The following MBOAT1 variants were observed in gnomAD, a reference collection of about 807,000 sequenced individuals.
MBOAT1 encodes membrane bound glycerophospholipid O-acyltransferase 1.
MBOAT1 carries 67 observed loss-of-function variants against 64.4 expected under a neutral mutation model. The ratio of observed to expected loss-of-function variants is 1.04; its 90% CI spans 0.85 to 1.27. MBOAT1 has a LOEUF of 1.27. Among genes scored for constraint, MBOAT1 ranks in the 50% most tolerant of loss-of-function variants. MBOAT1 has a pLI of 0.00. For missense variants in MBOAT1, 563 were observed against 604.6 expected (o/e 0.93, Z 0.72); for synonymous variants, 229 against 218.9 (o/e 1.05, Z -0.41).
intron 9 of MBOAT1, among the ~76,000 whole-genome samples, chr6:20,115,959 A>G (rs1760305926): frequency 6.6e-6 from 1 of 151,572 alleles, no homozygotes; most frequent in Non-Finnish European, 1.5e-5. Flanking sequence ...AGGAAGAGAC[A>G]TCCCACAATA....
chr6:20,207,244 C>T (rs1282125161), intron 1 of MBOAT1, among the ~76,000 whole-genome samples: 1 of 152,222 alleles, frequency 6.6e-6, no homozygotes, highest in East Asian at 1.9e-4. Context: ...GCTTCCTCCT[C>T]CATCCCTACT....
intron 12 of MBOAT1, among the ~76,000 whole-genome samples, chr6:20,107,317 A>G (rs985435606): frequency 2.6e-5 from 4 of 152,126 alleles, no homozygotes; most frequent in African/African-American, 9.7e-5. Context: ...TTCGTGCTAC[A>G]CTATGGGGGG....
At chr6:20,144,068 C>T in intron 4 of MBOAT1, 152 bp downstream of exon 4, 1 of 595,362 alleles carries the variant, frequency 1.7e-6, no homozygotes, top group Non-Finnish European at 3.0e-6. Context: ...ACCAATCAAT[C>T]AAGTCTCCAG....
intron 10 of MBOAT1, among the ~76,000 whole-genome samples, chr6:20,113,973 A>C: frequency 6.6e-6 from 1 of 152,172 alleles, no homozygotes. Context: ...AAAAGAATGC[A>C]GTTGGAGAGA....
At chr6:20,205,761 C>G (rs148698788) in intron 1 of MBOAT1, among the ~76,000 whole-genome samples, 1 of 152,098 alleles carries the variant, frequency 6.6e-6, no homozygotes, top group Non-Finnish European at 1.5e-5. Context: ...CCAAAAGGCC[C>G]CCCCACCCAC....
chr6:20,106,871 A>G (rs1235557790), intron 12 of MBOAT1, among the ~76,000 whole-genome samples: 1 of 152,196 alleles, frequency 6.6e-6, no homozygotes, highest in Non-Finnish European at 1.5e-5. Flanking sequence ...TCCTAAACAA[A>G]GGTGTTTTTA....
At chr6:20,111,144 G>A (rs911970438) in intron 11 of MBOAT1, among the ~76,000 whole-genome samples, 1 of 152,186 alleles carries the variant, frequency 6.6e-6, no homozygotes, top group African/African-American at 2.4e-5. Flanking sequence ...CTAGGTCGAA[G>A]GATATACTCC....
chr6:20,180,031 A>T (rs1411323017), intron 1 of MBOAT1, among the ~76,000 whole-genome samples: 1 of 152,148 alleles, frequency 6.6e-6, no homozygotes. Flanking sequence ...GGTGTCTAGT[A>T]GGTACTGGGG....
intron 11 of MBOAT1, among the ~76,000 whole-genome samples, chr6:20,111,859 C>CATATATATACGT (rs1760170262): frequency 5.5e-5 from 6 of 108,618 alleles, no homozygotes; most frequent in African/African-American, 2.1e-4. Context: ...TATATATATA[C>CATATATATACGT]ATATATATAC....
intron 1 of MBOAT1, among the ~76,000 whole-genome samples, chr6:20,184,422 G>A (rs187556948): frequency 6.6e-6 from 1 of 152,282 alleles, no homozygotes; most frequent in East Asian, 1.9e-4. Context: ...TGATTATCTA[G>A]TGTAGCCCAC....
Position 20,152,636 on chromosome 6 carries a change from A to G in MBOAT1, c.233T>C (p.Phe78Ser). ...ATIFGIYFVIFCFGWYSVHLF... is the reference protein window; with the variant it reads ...ATIFGIYFVISCFGWYSVHLF... ...GGCTCATACTCACCAGCCGAAACAA[A>G]AGATGACAAAATAGATGCCAAAAAT... The change falls in exon 2 of 13, where the codon TTT becomes TCT. Residue 78 changes from phenylalanine to serine, a missense_variant. Physicochemically the swap from Phe to Ser is radical, Grantham distance 155. Transcript: ENST00000324607. The G allele has an allele frequency of 6.2e-7, 1 of 1,610,054 alleles. No homozygotes were observed. The highest frequency in any genetic ancestry group is 2.2e-5 in the East Asian group (1 of 44,586).
intron 2 of MBOAT1, among the ~76,000 whole-genome samples, chr6:20,151,908 G>A (rs1417836820): frequency 6.6e-6 from 1 of 152,188 alleles, no homozygotes; most frequent in African/African-American, 2.4e-5. Context: ...CACGTCTCTA[G>A]CAGTAATACA....
At chr6:20,112,729 G>A in intron 11 of MBOAT1, 147 bp downstream of exon 11, 1 of 812,068 alleles carries the variant, frequency 1.2e-6, no homozygotes, top group Non-Finnish European at 1.9e-6. Flanking sequence ...TTCTCTAATG[G>A]GAAGACTCTT....
intron 1 of MBOAT1, among the ~76,000 whole-genome samples, chr6:20,192,121 T>A (rs1358815636): frequency 6.6e-6 from 1 of 152,166 alleles, no homozygotes; most frequent in African/African-American, 2.4e-5. Flanking sequence ...ATTCCACTGA[T>A]AAGAACTAAC....
chr6:20,145,774 T>G (rs574519371), intron 3 of MBOAT1, among the ~76,000 whole-genome samples: 3 of 152,244 alleles, frequency 2.0e-5, no homozygotes, highest in African/African-American at 7.2e-5. Context: ...TTCTTCTGAC[T>G]GCAATTCCCA....
chr6:20,102,524 G>T (rs1759832117), intron 12 of MBOAT1, 112 bp from the exon 13 acceptor site: 11 of 852,688 alleles, frequency 1.3e-5, no homozygotes, highest in South Asian at 7.1e-5. Flanking sequence ...TTTGGCAGTA[G>T]GAGGCCTGTC....
chr6:20,168,667 AAGAGAGAG>A (rs1156622531), intron 1 of MBOAT1, among the ~76,000 whole-genome samples: 1 of 136,958 alleles, frequency 7.3e-6, no homozygotes, highest in African/African-American at 2.7e-5. Context: ...GAAAGAGAGA[AAGAGAGAG>A]AGAAGGAGAG....
intron 1 of MBOAT1, among the ~76,000 whole-genome samples, chr6:20,198,327 C>T (rs941004080): frequency 4.6e-5 from 7 of 152,146 alleles, no homozygotes; most frequent in African/African-American, 1.7e-4. Context: ...TAAAATCCTG[C>T]AAGTCATTTC....
intron 4 of MBOAT1, among the ~76,000 whole-genome samples, chr6:20,132,176 C>T (rs1298119337): frequency 1.3e-5 from 2 of 152,134 alleles, no homozygotes; most frequent in South Asian, 4.1e-4. Flanking sequence ...CAACCATGCC[C>T]ACCTAAGAAT....
Sources: gnomAD v4.1 joint callset for allele counts (sites outside exome capture counted in the v4.1 genomes callset) on GRCh38, gnomAD v4.1.1 for gene constraint, MANE v1.5 for transcripts, NCBI Gene and HGNC (gene_info 2026-07-23, HGNC 2026-07-21) for gene names.